The following FBXL17 variants were observed in gnomAD, a reference collection of about 807,000 sequenced individuals.
FBXL17 encodes F-box/LRR-repeat protein 17.
Under a neutral mutation model 66.2 loss-of-function variants are expected in FBXL17, and 22 were observed. The ratio of observed to expected loss-of-function variants is 0.33; its 90% confidence interval spans 0.24 to 0.47. FBXL17 has a LOEUF of 0.47. Ranked by LOEUF, FBXL17 falls within the 20% of genes least tolerant of loss-of-function variation. The pLI, the probability that FBXL17 is intolerant of heterozygous loss-of-function variation, is 1.00. For synonymous variants in FBXL17, 474 were observed against 400.5 expected (o/e 1.18, Z -2.19); for missense variants, 878 against 948.2 (o/e 0.93, Z 0.97).
intron 4 of FBXL17, among the ~76,000 whole-genome samples, chr5:108,322,399 G>C (rs566882872): frequency 1.3e-5 from 2 of 152,026 alleles, no homozygotes; most frequent in South Asian, 4.1e-4. Context: ...TGAAAGACCT[G>C]TTAAGTGCGG....
chr5:108,134,436 TA>T (rs2149979742), intron 6 of FBXL17, among the ~76,000 whole-genome samples: 1 of 152,326 alleles, frequency 6.6e-6, no homozygotes, highest in East Asian at 1.9e-4. Context: ...GTTGTATTTC[TA>T]ACCATAAGTT....
chr5:108,304,574 T>G (rs1311733103), intron 4 of FBXL17, among the ~76,000 whole-genome samples: 1 of 151,918 alleles, frequency 6.6e-6, no homozygotes, highest in Admixed American at 6.6e-5. Context: ...ATACACCTAT[T>G]TGCTTTAATT....
intron 4 of FBXL17, among the ~76,000 whole-genome samples, chr5:108,275,434 T>C (rs1201464971): frequency 6.6e-6 from 1 of 152,228 alleles, no homozygotes; most frequent in Non-Finnish European, 1.5e-5. Context: ...CTAAGCATGC[T>C]ATGACTTACC....
intron 8 of FBXL17, among the ~76,000 whole-genome samples, chr5:107,862,231 C>G (rs1475245898): frequency 6.6e-6 from 1 of 151,884 alleles, no homozygotes; most frequent in Non-Finnish European, 1.5e-5. Context: ...AACCCGACAG[C>G]CTTTTTAGGA....
intron 2 of FBXL17, among the ~76,000 whole-genome samples, chr5:108,365,363 A>G (rs1399427840): frequency 6.6e-6 from 1 of 152,100 alleles, no homozygotes; most frequent in African/African-American, 2.4e-5. Context: ...CAGAAAAACT[A>G]AACCCTTGAT....
intron 4 of FBXL17, among the ~76,000 whole-genome samples, chr5:108,254,291 C>T (rs952640040): frequency 6.6e-6 from 1 of 152,142 alleles, no homozygotes; most frequent in African/African-American, 2.4e-5. Flanking sequence ...AAGGCAATTT[C>T]CCTATTTAAG....
chr5:107,992,097 T>C (rs1753274924), intron 7 of FBXL17, among the ~76,000 whole-genome samples: 1 of 149,802 alleles, frequency 6.7e-6, no homozygotes, highest in African/African-American at 2.5e-5. Context: ...ATTGTGTGTG[T>C]GTGTGTGTGT....
chr5:108,037,468 A>C (rs1746890655), intron 6 of FBXL17, among the ~76,000 whole-genome samples: 1 of 152,234 alleles, frequency 6.6e-6, no homozygotes, highest in Non-Finnish European at 1.5e-5. Context: ...GTTTAAAGGT[A>C]CATTTTATTA....
intron 8 of FBXL17, chr5:107,879,096 A>G: frequency 1.0e-6 from 1 of 985,482 alleles, no homozygotes; most frequent in Non-Finnish European, 1.2e-6. Flanking sequence ...TGGTCAGCAA[A>G]TATGTCTGGA....
At chr5:107,948,958 C>G (rs868545490) in intron 7 of FBXL17, among the ~76,000 whole-genome samples, 2 of 152,236 alleles carry the variant, frequency 1.3e-5, no homozygotes, top group Middle Eastern at 6.8e-3. Context: ...ACTAATGAAG[C>G]CTTTCTAAAA....
intron 3 of FBXL17, among the ~76,000 whole-genome samples, chr5:108,361,756 G>T (rs1045711338): frequency 6.6e-6 from 1 of 152,014 alleles, no homozygotes; most frequent in African/African-American, 2.4e-5. Flanking sequence ...CCCTGACTGG[G>T]TTCTAAATTA....
At chr5:108,227,540 C>T (rs754477087) in intron 4 of FBXL17, among the ~76,000 whole-genome samples, 10 of 152,210 alleles carry the variant, frequency 6.6e-5, no homozygotes, top group Non-Finnish European at 1.2e-4. Context: ...ACAATAGCAA[C>T]TTACATCTCT....
intron 5 of FBXL17, among the ~76,000 whole-genome samples, chr5:108,220,885 A>G (rs999392660): frequency 1.3e-5 from 2 of 152,206 alleles, no homozygotes; most frequent in Non-Finnish European, 2.9e-5. Context: ...AAAAGAACAC[A>G]CTTGTGTTAG....
At chr5:108,350,876 A>C (rs1008404633) in intron 3 of FBXL17, among the ~76,000 whole-genome samples, 1 of 152,226 alleles carries the variant, frequency 6.6e-6, no homozygotes, top group Non-Finnish European at 1.5e-5. Context: ...AGGGAAAGAA[A>C]ACATGACATC....
chr5:108,177,915 A>G (rs768380256), intron 6 of FBXL17, among the ~76,000 whole-genome samples: 5 of 140,528 alleles, frequency 3.6e-5, no homozygotes, highest in Non-Finnish European at 7.8e-5. Context: ...AAAAATGTAT[A>G]TATATATATA....
chr5:107,906,470 T>C (rs939540956), intron 7 of FBXL17, among the ~76,000 whole-genome samples: 2 of 152,196 alleles, frequency 1.3e-5, no homozygotes, highest in African/African-American at 4.8e-5. Flanking sequence ...TTCATGTATA[T>C]TTACCAACTA....
At position 108,344,778 on chromosome 5, in the gene FBXL17, T is replaced by A. The variant is rs533055448; in HGVS notation, c.1506+3621A>T. Among the ~76,000 whole-genome samples, 3 of 152,320 alleles carry A rather than the reference T, an allele frequency of 2.0e-5. No homozygotes were observed. The South Asian group carries it at 6.2e-4, about 32-fold the overall frequency. ...AATATACTTAACTGAGGTTTCTAGA[T>A]AATGACTATATGCTCAAACTAAATA... On this transcript the variant is annotated intron_variant, in intron 4 of 8. Coordinates refer to ENST00000542267, the MANE Select transcript of FBXL17 (RefSeq NM_001163315.3).
rs143875731 is a variant in FBXL17, at chr5:108,208,214, C to A, written c.1614+15907G>T. 3.1e-3 allele frequency among the ~76,000 whole-genome samples: 475 copies of A among 152,112 alleles called. 5 individuals carry two copies. The highest frequency in any genetic ancestry group is 0.011 in the African/African-American group (454 of 41,518). On this transcript the variant is annotated intron_variant, in intron 5 of 8. Transcript: ENST00000542267. The stretch of plus-strand genomic sequence containing the variant: ...GTTCTTTGTAGATTCTGGATATTAA[C>A]CCTTTGTCAGATGGATAGATTGCAA...
intron 4 of FBXL17, among the ~76,000 whole-genome samples, chr5:108,332,940 G>GAAAAAAAA (rs1760193976): frequency 9.6e-4 from 2 of 2,086 alleles, no homozygotes; most frequent in Non-Finnish European, 1.2e-3. Flanking sequence ...AAAAGCAAAA[G>GAAAAAAAA]CAAAAAAAAA....
Sources: allele counts gnomAD v4.1 joint callset (sites outside exome capture counted in the v4.1 genomes callset), GRCh38; gene constraint gnomAD v4.1.1; transcripts MANE v1.5; gene names NCBI Gene and HGNC (gene_info 2026-07-23, HGNC 2026-07-21).